The following TNS3 variants were observed in gnomAD, a reference collection of about 807,000 sequenced individuals.
TNS3 encodes tensin 3.
TNS3 carries 45 observed loss-of-function variants against 140.9 expected under a neutral mutation model. The observed-to-expected ratio is 0.32, with a 90% CI of 0.25 to 0.41. The LOEUF (loss-of-function observed/expected upper bound fraction) is 0.41. TNS3 is among the 10% of genes least tolerant of loss of function. The pLI, the probability that TNS3 is intolerant of heterozygous loss-of-function variation, is 1.00. For missense variants in TNS3, 1,716 were observed against 1,906.7 expected, an observed-to-expected ratio of 0.90 and a Z score of 1.86; for synonymous variants, 815 against 788.4, an observed-to-expected ratio of 1.03 and a Z score of -0.56.
At chr7:47,331,977 C>T (rs1269657430) in intron 20 of TNS3, among the ~76,000 whole-genome samples, 3 of 152,160 alleles carry the variant, frequency 2.0e-5, no homozygotes, top group Non-Finnish European at 2.9e-5. Context: ...GGGGCAGGCC[C>T]GGGCCAGTAA....
intron 16 of TNS3, among the ~76,000 whole-genome samples, chr7:47,392,849 T>C (rs953134140): frequency 6.6e-6 from 1 of 152,248 alleles, no homozygotes; most frequent in African/African-American, 2.4e-5. Flanking sequence ...AGGTGACTAC[T>C]CTTTCTGGGG....
chr7:47,393,345 A>G (rs2470997), intron 16 of TNS3, among the ~76,000 whole-genome samples: 27,288 of 152,230 alleles, frequency 0.18, 3,283 homozygotes, highest in Non-Finnish European at 0.27. Flanking sequence ...GCCAGACAGC[A>G]CGTGGGGATG....
At chr7:47,567,746 A>C (rs1364486782) in intron 1 of TNS3, among the ~76,000 whole-genome samples, 1 of 151,960 alleles carries the variant, frequency 6.6e-6, no homozygotes, top group Non-Finnish European at 1.5e-5. Context: ...CACACACAGG[A>C]CCTGTATGCC....
intron 20 of TNS3, among the ~76,000 whole-genome samples, chr7:47,339,726 C>G (rs1788839357): frequency 6.6e-6 from 1 of 152,050 alleles, no homozygotes; most frequent in Non-Finnish European, 1.5e-5. Context: ...ACAAAAAAAT[C>G]TTGCTGAGAT....
intron 3 of TNS3, among the ~76,000 whole-genome samples, chr7:47,495,933 AC>A (rs1209743927): frequency 6.6e-6 from 1 of 152,192 alleles, no homozygotes; most frequent in Admixed American, 6.5e-5. Context: ...GAAACCACAC[AC>A]ATTATGACAA....
chr7:47,544,431 A>C (rs1054611711), intron 1 of TNS3, among the ~76,000 whole-genome samples: 3 of 152,136 alleles, frequency 2.0e-5, no homozygotes, highest in African/African-American at 7.2e-5. Flanking sequence ...TTAGGAGGTG[A>C]GGCCTTTGGG....
At chr7:47,414,058 G>A (rs1793937159) in intron 11 of TNS3, 61 bp from the exon 12 acceptor site, 1 of 1,579,664 alleles carries the variant, frequency 6.3e-7, no homozygotes, top group Non-Finnish European at 8.7e-7. Context: ...CAGGAATTTG[G>A]CAATCAGAAA....
intron 1 of TNS3, among the ~76,000 whole-genome samples, chr7:47,578,569 C>A (rs895061684): frequency 6.6e-6 from 1 of 150,624 alleles, no homozygotes; most frequent in South Asian, 2.1e-4. Flanking sequence ...TGGGGGGGGG[C>A]GGTGGTTAGA....
At chr7:47,354,530 G>C (rs903435375) in intron 17 of TNS3, among the ~76,000 whole-genome samples, 1 of 152,104 alleles carries the variant, frequency 6.6e-6, no homozygotes, top group Non-Finnish European at 1.5e-5. Flanking sequence ...TCTCACACCT[G>C]TGCCCACCCT....
intron 2 of TNS3, among the ~76,000 whole-genome samples, chr7:47,524,051 C>A (rs1168710448): frequency 1.3e-5 from 2 of 152,242 alleles, no homozygotes; most frequent in African/African-American, 4.8e-5. Flanking sequence ...GGATTCACAG[C>A]CAGCAAGCTC....
intron 3 of TNS3, among the ~76,000 whole-genome samples, chr7:47,505,488 C>A (rs914943187): frequency 1.3e-5 from 2 of 152,190 alleles, no homozygotes; most frequent in Admixed American, 1.3e-4. Context: ...CTCCACACAG[C>A]CCCCAGGAGG....
rs767651949 is a variant in TNS3, at chr7:47,369,071, A to G, written c.1575T>C (p.Phe525=). ...SSQNSLLSDG[F]GSNVGEDPQG... ...GCGGATCTTCACCAACGTTGCTGCC[A>G]AAACCGTCAGATAGGAGTGAGTTCT... The change falls in exon 17 of 31, where the codon TTT becomes TTC. Residue 525 remains phenylalanine (F), a synonymous_variant. Coordinates refer to ENST00000311160, the MANE Select transcript of TNS3 (RefSeq NM_022748.12). The G allele has an allele frequency of 1.4e-5, 22 of 1,614,106 alleles. No homozygotes were observed. Among genetic ancestry groups the G allele is most frequent in the Non-Finnish European group, 1.9e-5 (22 of 1,180,034 alleles).
chr7:47,442,965 G>T (rs895799170), intron 4 of TNS3, among the ~76,000 whole-genome samples: 6 of 152,204 alleles, frequency 3.9e-5, no homozygotes, highest in Non-Finnish European at 7.3e-5. Context: ...CAAATTCTAT[G>T]TATATTTCGG....
intron 13 of TNS3, among the ~76,000 whole-genome samples, chr7:47,404,865 CAG>C (rs991747494): frequency 5.3e-5 from 8 of 152,022 alleles, no homozygotes; most frequent in African/African-American, 1.9e-4. Flanking sequence ...GCCTGGGTGA[CAG>C]AGAGACACTC....
intron 1 of TNS3, among the ~76,000 whole-genome samples, chr7:47,551,297 G>A (rs1308873311): frequency 6.6e-6 from 1 of 152,264 alleles, no homozygotes; most frequent in African/African-American, 2.4e-5. Flanking sequence ...CAGGTGGCTA[G>A]ACCCTGGGCA....
intron 4 of TNS3, among the ~76,000 whole-genome samples, chr7:47,471,450 G>A (rs996675378): frequency 8.8e-6 from 1 of 113,450 alleles, no homozygotes; most frequent in Non-Finnish European, 1.7e-5. Context: ...TGGAATGGAA[G>A]GGGGTCTTCC....
At chr7:47,408,863 C>T (rs1042069004) in intron 13 of TNS3, among the ~76,000 whole-genome samples, 9 of 152,048 alleles carry the variant, frequency 5.9e-5, no homozygotes, top group Admixed American at 3.9e-4. Context: ...TCACAGGACA[C>T]GTCCATCTGA....
At chr7:47,326,546 T>A (rs1788034298) in intron 20 of TNS3, among the ~76,000 whole-genome samples, 1 of 151,750 alleles carries the variant, frequency 6.6e-6, no homozygotes, top group East Asian at 2.0e-4. Flanking sequence ...CCCCTTAGAG[T>A]GCAGGAAGCC....
At chr7:47,392,128 A>G (rs904532039) in intron 16 of TNS3, among the ~76,000 whole-genome samples, 2 of 152,138 alleles carry the variant, frequency 1.3e-5, no homozygotes, top group South Asian at 4.1e-4. Context: ...GCCGCGAGAT[A>G]TTCTTCCCTC....
Sources: allele counts gnomAD v4.1 joint callset (sites outside exome capture counted in the v4.1 genomes callset), GRCh38; gene constraint gnomAD v4.1.1; transcripts MANE v1.5; gene names NCBI Gene and HGNC (gene_info 2026-07-23, HGNC 2026-07-21).